Variants in P2RX4 observed in about 807,000 individuals in gnomAD.
P2RX4 encodes the protein P2X purinoceptor 4.
In P2RX4, 37 loss-of-function variants were observed where a neutral mutation model predicts 48.0. The observed-to-expected ratio is 0.77, with a 90% CI of 0.59 to 1.01. The LOEUF (loss-of-function observed/expected upper bound fraction) is 1.01, where lower values mean the gene tolerates loss of function less well. Ranked by LOEUF, P2RX4 falls within the 50% of genes least tolerant of loss-of-function variation. The probability of loss-of-function intolerance (pLI) is 0.00; values close to 1 mark genes in which losing one functional copy is unlikely to be tolerated. For synonymous variants in P2RX4, 200 were observed against 199.7 expected (o/e 1.00, Z -0.01); for missense variants, 501 against 521.4 (o/e 0.96, Z 0.38).
At chr12:121,211,246 G>A (rs1885823252) in intron 1 of P2RX4, among the ~76,000 whole-genome samples, 1 of 151,912 alleles carries the variant, frequency 6.6e-6, no homozygotes, top group Non-Finnish European at 1.5e-5. Context: ...CTTGTCGCCC[G>A]GGCTGGAGTG....
In P2RX4 at chr12:121,210,875, G is replaced by A. The variant is rs148858200; in HGVS notation, c.134+577G>A. Among the ~76,000 whole-genome samples the A allele has an allele frequency of 9.8e-4, 150 of 152,362 alleles. 4 individuals are homozygous for A. The East Asian group carries it at 0.022, about 22-fold the overall frequency. On this transcript the variant is annotated intron_variant, in intron 1 of 11. Transcript: ENST00000337233. ...TGGCTGTAGGGGCTTCGCCCTGAAC[G>A]TCTCAATCTTCGCTCTCCACTTCCC...
intron 1 of P2RX4, chr12:121,216,763 T>G: frequency 1.9e-6 from 1 of 529,408 alleles, no homozygotes; most frequent in Non-Finnish European, 3.4e-6. Context: ...GAGGTTGCAG[T>G]GAGCCAAGAT....
At position 121,210,213 on chromosome 12, in the gene P2RX4, A is replaced by T. The variant is rs773040709; in HGVS notation, c.49A>T (p.Thr17Ser). Residue 17 changes from threonine (T) to serine (S), a missense_variant, in exon 1 of 12, where the codon ACG becomes TCG. Thr to Ser is a moderately conservative substitution (Grantham distance 58). Transcript: ENST00000337233. ...ALAAFLFEYD[T>S]PRIVLIRSRK... is the part of the protein sequence containing the mutation. ...GGCGGCCTTCCTGTTCGAGTACGAC[A>T]CGCCGCGCATCGTGCTCATCCGCAG... is the stretch of plus-strand genomic sequence containing the variant. The T allele has an allele frequency of 4.5e-6, 7 of 1,555,966 alleles. No individual in the cohort carries two copies. Among genetic ancestry groups the T allele is most frequent in the Non-Finnish European group, 6.1e-6 (7 of 1,156,296 alleles).
Position 121,229,299 on chromosome 12 carries a change from G to T in P2RX4, c.884+200G>T, listed in dbSNP as rs58211692. Among the ~76,000 whole-genome samples, 24,939 of 152,118 alleles carry T rather than the reference G, an allele frequency of 0.16. 2,258 individuals are homozygous for T. The highest frequency in any genetic ancestry group is 0.21 in the African/African-American group (8,511 of 41,492). Reference sequence around the variant, plus strand: ...CTGCTCCGGGGCCATCCCGGCCCCCGAGACCCCTCCTTGCCCTTTCCTGCC... The same window carrying T: ...CTGCTCCGGGGCCATCCCGGCCCCCTAGACCCCTCCTTGCCCTTTCCTGCC... On this transcript the variant is annotated intron_variant, in intron 8 of 11. Transcript: ENST00000337233. The surrounding 1 kb of genome is among the most constrained non-coding windows in gnomAD (Gnocchi z 4.6).
In P2RX4 at chr12:121,222,738, C is replaced by T. The variant is rs1187179243; in HGVS notation, c.428-209C>T. ...CTTGTCCCATTCTTTAGCTTGGCAT[C>T]ACCCTGGCTGAGATGTGGCTGGCAC... On this transcript the variant is annotated intron_variant, in intron 4 of 11. Transcript: ENST00000337233. 7 of 1,505,126 alleles carry T rather than the reference C, an allele frequency of 4.7e-6. No individual in the cohort carries two copies. In the South Asian group the frequency reaches 4.8e-5, roughly 10 times the overall value. The allele number at this position is 1,505,126 out of a possible 1,614,324, so 93.2% of individuals were successfully genotyped here.
At chr12:121,210,383 T>G (rs2136206811) in intron 1 of P2RX4, 85 bp downstream of exon 1, 2 of 1,271,068 alleles carry the variant, frequency 1.6e-6, no homozygotes, top group Non-Finnish European at 1.0e-6. Flanking sequence ...CTCGGTCACC[T>G]GGGCGAGTCC....
chr12:121,225,512 G>T (rs746245639), intron 5 of P2RX4, among the ~76,000 whole-genome samples: 1 of 152,086 alleles, frequency 6.6e-6, no homozygotes, highest in Non-Finnish European at 1.5e-5. Flanking sequence ...CTGCGCTCAC[G>T]CCATTCTCCT....
At chr12:121,231,841 T>TA (rs1887379155) in intron 8 of P2RX4, among the ~76,000 whole-genome samples, 1 of 151,712 alleles carries the variant, frequency 6.6e-6, no homozygotes, top group African/African-American at 2.4e-5. Flanking sequence ...CCGTCTCTAC[T>TA]AAAAAATCCA....
rs77310499 is a variant in P2RX4, at chr12:121,233,117, G to A, written c.1140+25G>A. On this transcript the variant is annotated intron_variant, in intron 11 of 11. Transcript: ENST00000337233. ...GGTAGGCCCCTCCTGGCCCCCAGCAGGCACAGGCCTCTCATCTCTTGGGTG... is the reference window on the plus strand; with the variant it reads ...GGTAGGCCCCTCCTGGCCCCCAGCAAGCACAGGCCTCTCATCTCTTGGGTG... 5.5e-4 allele frequency: 828 copies of A among 1,506,142 alleles called. 9 individuals carry two copies. In the African/African-American group the frequency reaches 0.011, roughly 19 times the overall value. The allele number at this position is 1,506,142 out of a possible 1,614,324, so 93.3% of individuals were successfully genotyped here. A position where few individuals can be genotyped will look rare whatever the true frequency, so the allele number is the denominator to read the frequency against.
Position 121,230,898 on chromosome 12 carries a change from G to T in P2RX4, c.885-1516G>T, listed in dbSNP as rs183223935. ...TGCGTGTGCGCTCTCTCGCGTGCTCGCTCTCTCTCTCTCTCATATATGTAT... is the reference window on the plus strand; with the variant it reads ...TGCGTGTGCGCTCTCTCGCGTGCTCTCTCTCTCTCTCTCTCATATATGTAT... On this transcript the variant is annotated intron_variant, in intron 8 of 11. Transcript: ENST00000337233. Among the ~76,000 whole-genome samples the T allele has an allele frequency of 5.8e-4, 86 of 148,064 alleles. 1 individual carries two copies. The East Asian group carries it at 0.015, about 26-fold the overall frequency.
rs1344475858 is a variant in P2RX4 at position 121,231,965 on chromosome 12, C to T, written c.885-449C>T. 2.7e-5 allele frequency among the ~76,000 whole-genome samples: 4 copies of T among 146,762 alleles called. No individual in the cohort carries two copies. In the East Asian group the frequency reaches 8.1e-4, roughly 30 times the overall value. On this transcript the variant is annotated intron_variant, in intron 8 of 11. Transcript: ENST00000337233. The stretch of plus-strand genomic sequence containing the variant: ...GGTTGCAGTGAGCCAAGATTGGTGC[C>T]CCTACACTCCAGCCTGGCAACAGAG...
chr12:121,229,777 C>T lies in P2RX4; in HGVS notation c.884+678C>T, dbSNP rs190893191. Among the ~76,000 whole-genome samples, 982 of 152,256 alleles carry T rather than the reference C, an allele frequency of 6.4e-3. 24 individuals carry two copies. Among genetic ancestry groups the T allele is most frequent in the Admixed American group, 0.056 (861 of 15,272 alleles). Reference sequence around the variant, plus strand: ...GTCTCTCCTGGCTTCTGGTAGCCCACGGTGTTCCTTGGCTTGTGGATGCAT... The same window carrying T: ...GTCTCTCCTGGCTTCTGGTAGCCCATGGTGTTCCTTGGCTTGTGGATGCAT... On this transcript the variant is annotated intron_variant, in intron 8 of 11. Coordinates refer to ENST00000337233, the MANE Select transcript of P2RX4 (RefSeq NM_002560.3). The surrounding 1 kb of genome is among the most constrained non-coding windows in gnomAD (Gnocchi z 4.6).
At chr12:121,233,360 GCA>G in intron 11 of P2RX4, 161 bp from the exon 12 acceptor site, 1 of 707,306 alleles carries the variant, frequency 1.4e-6, no homozygotes, top group Non-Finnish European at 2.5e-6. Flanking sequence ...ATGCCTGTGG[GCA>G]CACACTACTT....
At chr12:121,223,376 A>G (rs1226467101) in intron 5 of P2RX4, 1 of 346,204 alleles carries the variant, frequency 2.9e-6, no homozygotes, top group Non-Finnish European at 5.5e-6. Context: ...ACACCCAGCC[A>G]GAAGCCACCA....
chr12:121,210,443 C>T (rs1885752322), intron 1 of P2RX4, 145 bp downstream of exon 1: 8 of 774,506 alleles, frequency 1.0e-5, no homozygotes. Flanking sequence ...CCAGCCGCCG[C>T]GCCGGGGCCC....
Position 121,232,871 on chromosome 12 carries a change from A to G in P2RX4, c.1045-126A>G. On this transcript the variant is annotated intron_variant, in intron 10 of 11. Transcript: ENST00000337233. This position sits in a 1 kb window ranked among gnomAD's most constrained non-coding sequence, Gnocchi z 4.3. The stretch of plus-strand genomic sequence containing the variant: ...CCCCCTCAGGTCCCAGCCTTCTCCC[A>G]AGAGATGGGAGTGCCTTTCCATTCC... 1.1e-6 allele frequency: 1 copy of G among 882,848 alleles called. No individual in the cohort carries two copies. Among genetic ancestry groups the G allele is most frequent in the Non-Finnish European group, 1.9e-6 (1 of 522,322 alleles). 54.7% of individuals were successfully genotyped at this position (882,848 alleles called of 1,614,324 possible).
intron 4 of P2RX4, 183 bp downstream of exon 4, chr12:121,222,349 A>T: frequency 1.7e-6 from 1 of 590,374 alleles, no homozygotes; most frequent in Middle Eastern, 4.1e-4. Context: ...AAGCCATCCC[A>T]GCTCTTGCCC....
At chr12:121,219,941 G>C (rs1886494703) in intron 2 of P2RX4, among the ~76,000 whole-genome samples, 1 of 152,014 alleles carries the variant, frequency 6.6e-6, no homozygotes. Flanking sequence ...AATCTTTTGG[G>C]GTCTTTGCCT....
chr12:121,215,108 C>G (rs1886137147), intron 1 of P2RX4: 1 of 152,178 alleles, frequency 6.6e-6, no homozygotes, highest in Non-Finnish European at 1.5e-5. Flanking sequence ...AATAACAACA[C>G]TGATAGTCTC....
Sources: gnomAD v4.1 joint callset for allele counts (sites outside exome capture counted in the v4.1 genomes callset) on GRCh38, gnomAD v4.1.1 for gene constraint, Gnocchi (gnomAD v3.1) non-coding constraint, MANE v1.5 for transcripts, NCBI Gene and HGNC (gene_info 2026-07-23, HGNC 2026-07-21) for gene names.